Variants in LRRC47 observed in about 807,000 individuals in gnomAD.
LRRC47 encodes the protein leucine-rich repeat-containing protein 47.
LRRC47 carries 31 observed loss-of-function variants against 40.9 expected under a neutral mutation model. That is an observed-to-expected ratio of 0.76 (90% CI 0.57 to 1.02). The LOEUF (loss-of-function observed/expected upper bound fraction) is 1.02, where lower values mean the gene tolerates loss of function less well. Among genes scored for constraint, LRRC47 ranks in the 50% least tolerant of loss-of-function variants. The pLI, the probability that LRRC47 is intolerant of heterozygous loss-of-function variation, is 0.00. For synonymous variants in LRRC47, 427 were observed against 371.9 expected (o/e 1.15, Z -1.70); for missense variants, 726 against 796.1 (o/e 0.91, Z 1.06).
intron 2 of LRRC47, among the ~76,000 whole-genome samples, chr1:3,786,476 G>T (rs147636597): frequency 6.6e-6 from 1 of 152,100 alleles, no homozygotes; most frequent in Non-Finnish European, 1.5e-5. Flanking sequence ...CTCCAGCCTG[G>T]GAGACAAAGC....
chr1:3,782,840 G>C (rs1328986180), intron 4 of LRRC47, 77 bp from the exon 5 acceptor site: 1 of 920,596 alleles, frequency 1.1e-6, no homozygotes, highest in African/African-American at 1.6e-5. Context: ...ATGTGCCTGT[G>C]GTCCCAGCAC....
intron 1 of LRRC47, among the ~76,000 whole-genome samples, chr1:3,788,690 T>C (rs1643599770): frequency 6.6e-6 from 1 of 151,830 alleles, no homozygotes; most frequent in South Asian, 2.1e-4. Context: ...GGCTCAGAAA[T>C]GGGATGGCGC....
Position 3,790,023 on chromosome 1 carries a change from G to C in LRRC47, c.616-2713C>G, listed in dbSNP as rs114618275. Reference sequence around the variant, plus strand: ...GTGGCTAGGGGTCCTCCTGACACCTGATGGGATGAAATGCCGTCACCTGTC... The same window carrying C: ...GTGGCTAGGGGTCCTCCTGACACCTCATGGGATGAAATGCCGTCACCTGTC... On this transcript the variant is annotated intron_variant, in intron 1 of 6. Coordinates refer to ENST00000378251, the MANE Select transcript of LRRC47 (RefSeq NM_020710.3). Among the ~76,000 whole-genome samples, 1,080 of 152,322 alleles carry C rather than the reference G, an allele frequency of 7.1e-3. 15 individuals are homozygous for C. Among genetic ancestry groups the C allele is most frequent in the African/African-American group, 0.025 (1,026 of 41,578 alleles).
chr1:3,790,876 G>C (rs572846217), intron 1 of LRRC47, among the ~76,000 whole-genome samples: 8 of 68,608 alleles, frequency 1.2e-4, no homozygotes, highest in Non-Finnish European at 1.7e-4. Flanking sequence ...TCTGGGGAGG[G>C]AAAGGACAGG....
chr1:3,784,030 G>A lies in LRRC47; in HGVS notation c.1276C>T (p.Gln426Ter). The change falls in exon 4 of 7, where the codon CAG becomes TAG. Residue 426 changes from glutamine (Q) to a stop codon, truncating the protein, a stop_gained. Coordinates refer to ENST00000378251, the MANE Select transcript of LRRC47 (RefSeq NM_020710.3). LOFTEE classifies it high-confidence loss of function. ...CCCGACACACTCTGCCGCTTCTTCT[G>A]CTTCCTCTGCTCCTCGGCCTCCAGC... ...LQLEAEEQRK[Q>*]KKRQSVSGLH... 1 of 1,611,510 alleles carries A rather than the reference G, an allele frequency of 6.2e-7. No homozygotes were observed. Among genetic ancestry groups the A allele is most frequent in the Non-Finnish European group, 8.5e-7 (1 of 1,179,852 alleles).
intron 5 of LRRC47, among the ~76,000 whole-genome samples, chr1:3,782,445 C>A (rs1490907085): frequency 1.3e-5 from 2 of 152,168 alleles, no homozygotes; most frequent in African/African-American, 2.4e-5. Flanking sequence ...CAGGCATGCA[C>A]CGCCACGCCC....
intron 1 of LRRC47, among the ~76,000 whole-genome samples, chr1:3,792,332 G>C (rs934371036): frequency 4.6e-5 from 7 of 152,176 alleles, no homozygotes; most frequent in African/African-American, 1.7e-4. Context: ...AATGGCCCAG[G>C]GGAAAGGGAA....
intron 2 of LRRC47, 49 bp downstream of exon 2, chr1:3,786,800 C>A: frequency 6.7e-7 from 1 of 1,485,992 alleles, no homozygotes. Flanking sequence ...CAGCTTGCGG[C>A]GTCTCACACC....
At chr1:3,793,268 T>C (rs1301156084) in intron 1 of LRRC47, among the ~76,000 whole-genome samples, 3 of 152,092 alleles carry the variant, frequency 2.0e-5, no homozygotes, top group Non-Finnish European at 4.4e-5. Context: ...TGTGCCACCA[T>C]GCCCAGCTAG....
chr1:3,780,935 C>T lies in LRRC47; in HGVS notation c.*153G>A. On this transcript the variant is annotated 3_prime_UTR_variant, in exon 7 of 7. Coordinates refer to ENST00000378251, the MANE Select transcript of LRRC47 (RefSeq NM_020710.3). The stretch of plus-strand genomic sequence containing the variant: ...AGGCTGCAGTGACTCGAGATCACGC[C>T]ACTGCACTCCAGCCTGGCGACAGAG... 8.6e-7 allele frequency: 1 copy of T among 1,158,428 alleles called. No homozygotes were observed. The highest frequency in any genetic ancestry group is 1.2e-6 in the Non-Finnish European group (1 of 829,212). 71.8% of individuals were successfully genotyped at this position (1,158,428 alleles called of 1,614,324 possible). A position where few individuals can be genotyped will look rare whatever the true frequency, so the allele number is the denominator to read the frequency against.
At chr1:3,783,110 T>TAAA in intron 4 of LRRC47, 2 of 150,338 alleles carry the variant, frequency 1.3e-5, no homozygotes, top group Non-Finnish European at 2.8e-5. Flanking sequence ...GACCACATCT[T>TAAA]AAAAAAAAAA....
chr1:3,784,979 T>G, intron 3 of LRRC47, 108 bp downstream of exon 3: 1 of 671,194 alleles, frequency 1.5e-6, no homozygotes. Flanking sequence ...TGGGCAACAA[T>G]GGAACTCCAT....
chr1:3,782,564 G>A, intron 5 of LRRC47, 97 bp downstream of exon 5: 1 of 768,202 alleles, frequency 1.3e-6, no homozygotes, highest in Non-Finnish European at 2.4e-6. Context: ...AAAATGCTGG[G>A]ATTACCGGTG....
intron 1 of LRRC47, among the ~76,000 whole-genome samples, chr1:3,789,506 C>T (rs1643607897): frequency 6.6e-6 from 1 of 152,254 alleles, no homozygotes; most frequent in African/African-American, 2.4e-5. Flanking sequence ...AGGAGGCGGG[C>T]GGGGCCCCAC....
At chr1:3,794,212 A>C (rs976933806) in intron 1 of LRRC47, among the ~76,000 whole-genome samples, 1 of 145,788 alleles carries the variant, frequency 6.9e-6, no homozygotes, top group Admixed American at 7.1e-5. Flanking sequence ...AATAATAATA[A>C]CAGTAAAACT....
intron 1 of LRRC47, among the ~76,000 whole-genome samples, chr1:3,791,164 C>G (rs907961130): frequency 1.3e-5 from 2 of 152,184 alleles, no homozygotes; most frequent in East Asian, 3.9e-4. Flanking sequence ...AGCACAGCCA[C>G]GCGAGCGACC....
Position 3,781,556 on chromosome 1 carries a change from T to A in LRRC47, c.1459A>T (p.Thr487Ser). ...ACATCCTTGCAAATCTGCAGACTGG[T>A]GGCACTTGTTACTTCCAAAAACAAA... ...SDLFLEVTSA[T>S]SLQICKDVMD... Residue 487 changes from threonine to serine, a missense_variant, in exon 6 of 7, where the codon ACC becomes TCC. Physicochemically the swap from Thr to Ser is moderately conservative, Grantham distance 58. Coordinates refer to ENST00000378251, the MANE Select transcript of LRRC47 (RefSeq NM_020710.3). 1 of 1,614,018 alleles carries A rather than the reference T, an allele frequency of 6.2e-7. No homozygotes were observed. Among genetic ancestry groups the A allele is most frequent in the Non-Finnish European group, 8.5e-7 (1 of 1,179,988 alleles).
chr1:3,791,327 C>T (rs907846103), intron 1 of LRRC47, among the ~76,000 whole-genome samples: 1 of 152,238 alleles, frequency 6.6e-6, no homozygotes, highest in African/African-American at 2.4e-5. Context: ...TTTCCCTCTT[C>T]GTGTACTGCG....
At chr1:3,792,578 G>A (rs1421168715) in intron 1 of LRRC47, among the ~76,000 whole-genome samples, 3 of 150,680 alleles carry the variant, frequency 2.0e-5, no homozygotes, top group African/African-American at 7.4e-5. Flanking sequence ...CTCCTGCCTC[G>A]GCCTCCCGAG....
Sources: allele counts gnomAD v4.1 joint callset (sites outside exome capture counted in the v4.1 genomes callset), GRCh38; gene constraint gnomAD v4.1.1; transcripts MANE v1.5; gene names NCBI Gene and HGNC (gene_info 2026-07-23, HGNC 2026-07-21).